The following RERG variants were observed in gnomAD, a reference collection of about 807,000 sequenced individuals.
The protein encoded by RERG is RAS like estrogen regulated growth inhibitor, also known as ras-related and estrogen-regulated growth inhibitor.
In RERG, 25 loss-of-function variants were observed where a neutral mutation model predicts 23.2. That is an observed-to-expected ratio of 1.08 (90% CI 0.79 to 1.50). The LOEUF (loss-of-function observed/expected upper bound fraction) is 1.50, where lower values mean the gene tolerates loss of function less well. Among genes scored for constraint, RERG ranks in the 40% most tolerant of loss-of-function variants. RERG has a pLI of 0.00. For synonymous variants in RERG, 81 were observed against 89.1 expected (o/e 0.91, Z 0.51); for missense variants, 253 against 250.1 (o/e 1.01, Z -0.08).
intron 2 of RERG, among the ~76,000 whole-genome samples, chr12:15,213,430 A>G (rs1200527089): frequency 6.6e-6 from 1 of 152,194 alleles, no homozygotes; most frequent in Non-Finnish European, 1.5e-5. Context: ...ATGAAAGTAA[A>G]TGTTTACCCG....
At chr12:15,114,660 T>G (rs1251474455) in intron 3 of RERG, 1 of 152,030 alleles carries the variant, frequency 6.6e-6, no homozygotes, top group Admixed American at 6.6e-5. Flanking sequence ...GAAGAGCAAT[T>G]CACTAGTGTT....
chr12:15,197,907 G>C (rs553974817), intron 2 of RERG, among the ~76,000 whole-genome samples: 1 of 152,208 alleles, frequency 6.6e-6, no homozygotes, highest in East Asian at 1.9e-4. Context: ...CTTGGTTGCT[G>C]AGTCCCTTTT....
At chr12:15,148,836 C>T (rs1266546123) in intron 2 of RERG, among the ~76,000 whole-genome samples, 6 of 123,864 alleles carry the variant, frequency 4.8e-5, no homozygotes, top group African/African-American at 8.8e-5. Context: ...CATTTGCAGT[C>T]CTTTAACTCT....
intron 2 of RERG, among the ~76,000 whole-genome samples, chr12:15,190,421 C>T (rs755010592): frequency 2.0e-5 from 3 of 152,102 alleles, no homozygotes; most frequent in Non-Finnish European, 4.4e-5. Flanking sequence ...GGCCGCAGGT[C>T]GGACAAGTTT....
intron 2 of RERG, among the ~76,000 whole-genome samples, chr12:15,200,551 T>C (rs1865201705): frequency 6.6e-6 from 1 of 152,028 alleles, no homozygotes; most frequent in Non-Finnish European, 1.5e-5. Flanking sequence ...TGGGATCCAA[T>C]TCTACCCAAC....
chr12:15,213,417 C>T lies in RERG; in HGVS notation c.61+4012G>A, dbSNP rs145754536. Among the ~76,000 whole-genome samples the T allele has an allele frequency of 4.7e-3, 710 of 152,270 alleles. 4 individuals are homozygous for T. The highest frequency in any genetic ancestry group is 0.016 in the African/African-American group (677 of 41,546). On this transcript the variant is annotated intron_variant, in intron 2 of 4. Coordinates refer to ENST00000256953, the MANE Select transcript of RERG (RefSeq NM_032918.3). ...CACATTATTAGTGCTTCACCCTTAG[C>T]CAATGAAAGTAAATGTTTACCCGGC...
intron 2 of RERG, among the ~76,000 whole-genome samples, chr12:15,166,189 A>G (rs1290016966): frequency 1.3e-5 from 2 of 152,178 alleles, no homozygotes; most frequent in East Asian, 3.9e-4. Flanking sequence ...CTTGGCCAGG[A>G]TGTGGCTGCC....
chr12:15,190,085 T>C (rs1419720361), intron 2 of RERG, among the ~76,000 whole-genome samples: 1 of 152,128 alleles, frequency 6.6e-6, no homozygotes, highest in Non-Finnish European at 1.5e-5. Context: ...GGAGTTCAAT[T>C]CTGTAAGAAT....
At chr12:15,137,814 A>G (rs1295162994) in intron 2 of RERG, 1 of 431,318 alleles carries the variant, frequency 2.3e-6, no homozygotes, top group Non-Finnish European at 4.6e-6. Context: ...AAGAAAAATT[A>G]AAGTTTTAAT....
intron 2 of RERG, among the ~76,000 whole-genome samples, chr12:15,212,816 C>T (rs760764667): frequency 1.1e-4 from 16 of 151,982 alleles, no homozygotes; most frequent in South Asian, 2.1e-4. Context: ...CAGGTTTTGA[C>T]GGTTATCTTA....
At chr12:15,216,411 C>T (rs1865441477) in intron 2 of RERG, among the ~76,000 whole-genome samples, 1 of 152,232 alleles carries the variant, frequency 6.6e-6, no homozygotes, top group Admixed American at 6.5e-5. Flanking sequence ...GGGAAGATTA[C>T]TGCTGAAATT....
chr12:15,143,775 G>A (rs948785246), intron 2 of RERG, among the ~76,000 whole-genome samples: 1 of 152,128 alleles, frequency 6.6e-6, no homozygotes, highest in Non-Finnish European at 1.5e-5. Context: ...GAAAAGTAAA[G>A]CAGGGAGAAG....
chr12:15,212,042 C>CTT (rs772353150), intron 2 of RERG, among the ~76,000 whole-genome samples: 932 of 64,714 alleles, frequency 0.014, 162 homozygotes, highest in Admixed American at 0.038. Context: ...CACGAATAAA[C>CTT]TTTTTTTTTT....
intron 3 of RERG, among the ~76,000 whole-genome samples, chr12:15,112,948 A>G (rs1436525418): frequency 6.6e-6 from 1 of 152,248 alleles, no homozygotes; most frequent in African/African-American, 2.4e-5. Flanking sequence ...ATTTAAGGAT[A>G]TCAATGAGGA....
At chr12:15,202,059 C>T (rs1865224602) in intron 2 of RERG, among the ~76,000 whole-genome samples, 2 of 151,740 alleles carry the variant, frequency 1.3e-5, no homozygotes, top group Non-Finnish European at 3.0e-5. Flanking sequence ...GTTCCTATCC[C>T]GTTCTTTCAT....
intron 2 of RERG, among the ~76,000 whole-genome samples, chr12:15,153,560 A>C (rs1428105348): frequency 6.6e-6 from 1 of 152,234 alleles, no homozygotes; most frequent in Non-Finnish European, 1.5e-5. Flanking sequence ...AGAGAACCAT[A>C]GTTCCTGGAA....
chr12:15,141,657 T>C (rs1397347513), intron 2 of RERG, among the ~76,000 whole-genome samples: 1 of 152,198 alleles, frequency 6.6e-6, no homozygotes, highest in Non-Finnish European at 1.5e-5. Context: ...TTTCAAAGTA[T>C]GATAGATTCC....
In RERG at chr12:15,201,770, T is replaced by C. The variant is rs190048179; in HGVS notation, c.61+15659A>G. ...TATTAGTAATTGTTAATTACTATTATTATTGTTCTATCTCACTTGATTTTG... is the reference window on the plus strand; with the variant it reads ...TATTAGTAATTGTTAATTACTATTACTATTGTTCTATCTCACTTGATTTTG... On this transcript the variant is annotated intron_variant, in intron 2 of 4. Transcript: ENST00000256953. 9.4e-4 allele frequency among the ~76,000 whole-genome samples: 142 copies of C among 151,538 alleles called. 1 individual carries two copies. Among genetic ancestry groups the C allele is most frequent in the Non-Finnish European group, 5.0e-4 (34 of 67,680 alleles).
chr12:15,206,034 T>C (rs570543669), intron 2 of RERG, among the ~76,000 whole-genome samples: 41 of 152,228 alleles, frequency 2.7e-4, no homozygotes, highest in Admixed American at 9.8e-4. Flanking sequence ...ACTGAGATTC[T>C]ATCAGCAGAA....
Sources: allele counts gnomAD v4.1 joint callset (sites outside exome capture counted in the v4.1 genomes callset), GRCh38; gene constraint gnomAD v4.1.1; transcripts MANE v1.5; gene names NCBI Gene and HGNC (gene_info 2026-07-23, HGNC 2026-07-21).